Variants in GPA33 observed in about 807,000 individuals in gnomAD.
GPA33 encodes the protein glycoprotein A33.
GPA33 carries 27 observed loss-of-function variants against 35.6 expected under a neutral mutation model. The observed-to-expected ratio is 0.76, with a 90% confidence interval of 0.56 to 1.04. GPA33 has a LOEUF of 1.04. GPA33 is among the 50% of genes least tolerant of loss of function. The pLI is 0.00. For synonymous variants in GPA33, 176 were observed against 164.0 expected, an observed-to-expected ratio of 1.07 and a Z score of -0.56; for missense variants, 428 against 411.9, an observed-to-expected ratio of 1.04 and a Z score of -0.34.
chr1:167,072,101 G>A, intron 2 of GPA33, among the ~76,000 whole-genome samples: 1 of 152,146 alleles, frequency 6.6e-6, no homozygotes, highest in East Asian at 1.9e-4. Context: ...GCCCATCATG[G>A]TCCCTTGGTG....
chr1:167,079,462 C>A (rs1039238916), intron 1 of GPA33, among the ~76,000 whole-genome samples: 1 of 142,484 alleles, frequency 7.0e-6, no homozygotes, highest in Non-Finnish European at 1.5e-5. Context: ...ACAGCCTGGG[C>A]GACAGAGCGA....
chr1:167,087,808 A>T lies in GPA33; in HGVS notation c.43+2437T>A, dbSNP rs6680608. On this transcript the variant is annotated intron_variant, in intron 1 of 6. Transcript: ENST00000367868. ...GTGCATGCCTGTAATCCCAGCTACT[A>T]GGGAGGCTGAGGCAGGAGAATTTCT... Among the ~76,000 whole-genome samples the T allele has an allele frequency of 2.6e-5, 4 of 151,334 alleles. No homozygotes were observed. In the East Asian group the frequency reaches 5.8e-4, roughly 22 times the overall value.
At chr1:167,089,714 G>C (rs953399247) in intron 1 of GPA33, among the ~76,000 whole-genome samples, 2 of 152,104 alleles carry the variant, frequency 1.3e-5, no homozygotes, top group African/African-American at 4.8e-5. Flanking sequence ...TCCCAGAAGT[G>C]GCAAGGAGCT....
At chr1:167,072,648 A>G (rs1277239598) in intron 2 of GPA33, among the ~76,000 whole-genome samples, 2 of 152,204 alleles carry the variant, frequency 1.3e-5, no homozygotes, top group African/African-American at 4.8e-5. Flanking sequence ...ATGTCCATTC[A>G]TGGTACATAT....
At chr1:167,068,647 A>T (rs1666649420) in intron 3 of GPA33, among the ~76,000 whole-genome samples, 1 of 152,110 alleles carries the variant, frequency 6.6e-6, no homozygotes, top group Non-Finnish European at 1.5e-5. Context: ...GAAAAAGAGG[A>T]GCTGGTATGG....
chr1:167,061,543 A>G (rs1666442154), intron 4 of GPA33, among the ~76,000 whole-genome samples: 1 of 149,816 alleles, frequency 6.7e-6, no homozygotes, highest in African/African-American at 2.5e-5. Flanking sequence ...AACCTACATT[A>G]CATTGACCTA....
At chr1:167,090,103 A>G (rs1667124843) in intron 1 of GPA33, 142 bp downstream of exon 1, 23 of 667,942 alleles carry the variant, frequency 3.4e-5, no homozygotes, top group Middle Eastern at 2.5e-4. Flanking sequence ...CTGGTCCGGA[A>G]TGTGTAATTC....
At chr1:167,088,128 G>T (rs1015870067) in intron 1 of GPA33, among the ~76,000 whole-genome samples, 1 of 152,142 alleles carries the variant, frequency 6.6e-6, no homozygotes, top group African/African-American at 2.4e-5. Flanking sequence ...TCCTCGGAAA[G>T]GTCAGATGGG....
In GPA33 at chr1:167,053,572, G is replaced by A. The variant is rs1485148871; in HGVS notation, c.*762C>T. On this transcript the variant is annotated 3_prime_UTR_variant, in exon 7 of 7. Transcript: ENST00000367868. ...CTCGCTCAGAAGACTGTGCCTTGTGGCCCATGATTGGACGTGGGACAGAGT... is the reference window on the plus strand; with the variant it reads ...CTCGCTCAGAAGACTGTGCCTTGTGACCCATGATTGGACGTGGGACAGAGT... The A allele has an allele frequency of 6.6e-6, 1 of 152,306 alleles. No individual in the cohort carries two copies. Among genetic ancestry groups the A allele is most frequent in the African/African-American group, 2.4e-5 (1 of 41,470 alleles). 9.4% of individuals were successfully genotyped at this position (152,306 alleles called of 1,614,324 possible).
chr1:167,059,766 GT>G (rs765859750), intron 4 of GPA33, among the ~76,000 whole-genome samples: 1 of 152,160 alleles, frequency 6.6e-6, no homozygotes, highest in African/African-American at 2.4e-5. Flanking sequence ...GGGAATCCCA[GT>G]TTTTTTCAAA....
chr1:167,067,163 T>C (rs913968868), intron 3 of GPA33, among the ~76,000 whole-genome samples: 2 of 152,190 alleles, frequency 1.3e-5, no homozygotes, highest in Non-Finnish European at 2.9e-5. Flanking sequence ...GCTTGCTCGC[T>C]TGCTCGCTTG....
Position 167,073,523 on chromosome 1 carries a change from A to G in GPA33, c.60T>C (p.Asp20=). The G allele has an allele frequency of 6.2e-7, 1 of 1,613,864 alleles. No homozygotes were observed. The highest frequency in any genetic ancestry group is 8.5e-7 in the Non-Finnish European group (1 of 1,179,814). The change falls in exon 2 of 7, where the codon GAT becomes GAC. Residue 20 remains aspartate (D), a synonymous_variant. Coordinates refer to ENST00000367868, the MANE Select transcript of GPA33 (RefSeq NM_005814.3). The part of the protein sequence containing the change: ...WTLCAVRVTV[D]AISVETPQDV... ...CCTGCGGAGTTTCCACAGAGATGGCATCGACGGTCACCCTGACTGGAAAGA... is the reference window on the plus strand; with the variant it reads ...CCTGCGGAGTTTCCACAGAGATGGCGTCGACGGTCACCCTGACTGGAAAGA...
intron 4 of GPA33, 129 bp downstream of exon 4, chr1:167,063,453 G>A (rs1056630623): frequency 1.4e-6 from 1 of 720,388 alleles, no homozygotes; most frequent in Non-Finnish European, 2.3e-6. Context: ...TAGGGGGATA[G>A]GGATGGGTAG....
chr1:167,079,775 T>C (rs1666889597), intron 1 of GPA33, among the ~76,000 whole-genome samples: 1 of 152,242 alleles, frequency 6.6e-6, no homozygotes, highest in Non-Finnish European at 1.5e-5. Context: ...GGCTGGACTT[T>C]TTAATAATTC....
chr1:167,087,140 C>G (rs886287434), intron 1 of GPA33, among the ~76,000 whole-genome samples: 1 of 152,114 alleles, frequency 6.6e-6, no homozygotes, highest in African/African-American at 2.4e-5. Flanking sequence ...CAGCGCATGG[C>G]GGCTTTTTTG....
chr1:167,075,655 C>G (rs772175604), intron 1 of GPA33, among the ~76,000 whole-genome samples: 1 of 152,110 alleles, frequency 6.6e-6, no homozygotes, highest in Non-Finnish European at 1.5e-5. Flanking sequence ...CACAGAGGCA[C>G]GGAATGGAGA....
chr1:167,055,708 T>C (rs1666228242), intron 5 of GPA33, 22 bp downstream of exon 5: 4 of 1,610,850 alleles, frequency 2.5e-6, no homozygotes, highest in Non-Finnish European at 3.4e-6. Flanking sequence ...TTGTCAGCCC[T>C]CCCCCCGCAG....
intron 2 of GPA33, among the ~76,000 whole-genome samples, chr1:167,069,850 T>C (rs1017105298): frequency 1.6e-4 from 24 of 152,250 alleles, no homozygotes; most frequent in African/African-American, 5.1e-4. Flanking sequence ...TAGGGCATTA[T>C]GTGACATGTT....
At chr1:167,082,367 G>C (rs141969152) in intron 1 of GPA33, 3 of 452,964 alleles carry the variant, frequency 6.6e-6, no homozygotes, top group Non-Finnish European at 1.3e-5. Flanking sequence ...AGGTGAAAAA[G>C]TAGAGACAGT....
Sources: allele counts gnomAD v4.1 joint callset (sites outside exome capture counted in the v4.1 genomes callset), GRCh38; gene constraint gnomAD v4.1.1; transcripts MANE v1.5; gene names NCBI Gene and HGNC (gene_info 2026-07-23, HGNC 2026-07-21).